SHISA9: variants seen among roughly 807,000 people sequenced by gnomAD.
The protein encoded by SHISA9 is shisa family member 9.
SHISA9 carries 13 observed loss-of-function variants against 38.0 expected under a neutral mutation model. The observed-to-expected ratio is 0.34, with a 90% CI of 0.22 to 0.54. The LOEUF is 0.54. Among genes scored for constraint, SHISA9 ranks in the 20% least tolerant of loss-of-function variants. SHISA9 has a pLI of 0.91. For missense variants in SHISA9, 538 were observed against 575.8 expected (o/e 0.93, Z 0.67); for synonymous variants, 275 against 242.0 (o/e 1.14, Z -1.27).
intron 3 of SHISA9, among the ~76,000 whole-genome samples, chr16:13,205,408 G>A (rs1266588833): frequency 1.3e-5 from 2 of 152,142 alleles, no homozygotes; most frequent in Non-Finnish European, 2.9e-5. Context: ...TGTCTCAGAG[G>A]AGAGATTTTA....
chr16:13,459,959 G>A, the SHISA9 span, among the ~76,000 whole-genome samples: 1 of 152,116 alleles, frequency 6.6e-6, no homozygotes, highest in Non-Finnish European at 1.5e-5. Flanking sequence ...CTAGGCTAGA[G>A]TGCAGTGGCA....
chr16:13,351,503 G>T, the SHISA9 span, among the ~76,000 whole-genome samples: 1 of 152,176 alleles, frequency 6.6e-6, no homozygotes, highest in Non-Finnish European at 1.5e-5. Context: ...AGCCAGGACA[G>T]TTGTAAGGGC....
At chr16:13,084,483 A>G (rs1043203916) in intron 2 of SHISA9, among the ~76,000 whole-genome samples, 1 of 152,220 alleles carries the variant, frequency 6.6e-6, no homozygotes, top group Non-Finnish European at 1.5e-5. Flanking sequence ...AATGACAGAC[A>G]GGGCTGGAAA....
At chr16:12,928,451 A>C (rs959894034) in intron 2 of SHISA9, among the ~76,000 whole-genome samples, 1 of 152,210 alleles carries the variant, frequency 6.6e-6, no homozygotes, top group Non-Finnish European at 1.5e-5. Flanking sequence ...CACAACCATG[A>C]AACTTGTCTG....
At chr16:13,039,378 A>G (rs188896551) in intron 2 of SHISA9, among the ~76,000 whole-genome samples, 391 of 152,224 alleles carry the variant, frequency 2.6e-3, no homozygotes, top group African/African-American at 8.6e-3. Flanking sequence ...GACTTGTACA[A>G]GGTAATACAG....
intron 2 of SHISA9, among the ~76,000 whole-genome samples, chr16:13,150,964 T>C (rs1014055165): frequency 9.2e-5 from 14 of 152,338 alleles, no homozygotes; most frequent in African/African-American, 3.1e-4. Context: ...TCAATTTTTC[T>C]AAGGTTGAAC....
At chr16:13,037,540 A>G (rs1567191075) in intron 2 of SHISA9, among the ~76,000 whole-genome samples, 1 of 152,008 alleles carries the variant, frequency 6.6e-6, no homozygotes, top group African/African-American at 2.4e-5. Context: ...GGTGGATGAG[A>G]GAATGGGGGC....
chr16:13,197,104 T>TACAC (rs58365720), intron 2 of SHISA9, among the ~76,000 whole-genome samples: 2,089 of 106,530 alleles, frequency 0.02, 16 homozygotes, highest in African/African-American at 0.054. Flanking sequence ...TCTCTGTACA[T>TACAC]ACACACACAC....
the SHISA9 span, among the ~76,000 whole-genome samples, chr16:13,533,940 C>A: frequency 1.3e-5 from 2 of 151,914 alleles, no homozygotes; most frequent in Non-Finnish European, 2.9e-5. Context: ...CCTGCCACTG[C>A]GCCCAGCTAA....
chr16:13,402,878 G>C, the SHISA9 span, among the ~76,000 whole-genome samples: 1 of 152,162 alleles, frequency 6.6e-6, no homozygotes, highest in Non-Finnish European at 1.5e-5. Flanking sequence ...CAGCACTTTG[G>C]GAGGCCAAGG....
At chr16:13,111,844 A>T (rs1245524586) in intron 2 of SHISA9, among the ~76,000 whole-genome samples, 1 of 152,164 alleles carries the variant, frequency 6.6e-6, no homozygotes, top group African/African-American at 2.4e-5. Flanking sequence ...TTGTTCCTGG[A>T]TAGGTGAGAG....
intron 2 of SHISA9, among the ~76,000 whole-genome samples, chr16:13,187,710 T>C (rs936632108): frequency 2.6e-4 from 39 of 152,110 alleles, no homozygotes; most frequent in African/African-American, 8.9e-4. Context: ...TTCATAACCA[T>C]TCACTTATAC....
chr16:13,283,231 A>G, the SHISA9 span, among the ~76,000 whole-genome samples: 2 of 152,106 alleles, frequency 1.3e-5, no homozygotes, highest in African/African-American at 4.8e-5. Context: ...TTTATTTAGA[A>G]TGTATTTATC....
At chr16:13,088,373 G>A (rs2073737168) in intron 2 of SHISA9, among the ~76,000 whole-genome samples, 1 of 152,114 alleles carries the variant, frequency 6.6e-6, no homozygotes, top group Non-Finnish European at 1.5e-5. Flanking sequence ...AGCTTGATGG[G>A]GACGGCATTT....
intron 2 of SHISA9, among the ~76,000 whole-genome samples, chr16:12,945,065 C>A (rs1000042555): frequency 2.0e-5 from 3 of 152,160 alleles, no homozygotes; most frequent in African/African-American, 7.2e-5. Context: ...TCTAGCTCAA[C>A]ATTGCTTGAG....
the SHISA9 span, among the ~76,000 whole-genome samples, chr16:13,540,788 G>A: frequency 6.6e-6 from 1 of 152,190 alleles, no homozygotes; most frequent in Non-Finnish European, 1.5e-5. Flanking sequence ...TCAAGTAGAT[G>A]ATCATTAATA....
chr16:13,513,435 C>T, the SHISA9 span, among the ~76,000 whole-genome samples: 2 of 152,210 alleles, frequency 1.3e-5, no homozygotes, highest in Non-Finnish European at 2.9e-5. Flanking sequence ...CGCAGCAATT[C>T]CTCAAGGATC....
At chr16:13,066,463 TTTG>T (rs1251042619) in intron 2 of SHISA9, among the ~76,000 whole-genome samples, 1 of 152,204 alleles carries the variant, frequency 6.6e-6, no homozygotes, top group African/African-American at 2.4e-5. Flanking sequence ...AAACCATCTT[TTTG>T]TTGTTGTTGC....
At chr16:12,944,582 T>G (rs1210126783) in intron 2 of SHISA9, among the ~76,000 whole-genome samples, 8 of 152,174 alleles carry the variant, frequency 5.3e-5, no homozygotes, top group Non-Finnish European at 1.0e-4. Flanking sequence ...AATGGGATGT[T>G]GGCAGCAGGC....
Sources: gnomAD v4.1 joint callset for allele counts (sites outside exome capture counted in the v4.1 genomes callset) on GRCh38, gnomAD v4.1.1 for gene constraint, MANE v1.5 for transcripts, NCBI Gene and HGNC (gene_info 2026-07-23, HGNC 2026-07-21) for gene names.